Variants in RAB3IP observed in about 807,000 individuals in gnomAD.
RAB3IP encodes rab-3A-interacting protein.
RAB3IP carries 36 observed loss-of-function variants against 59.1 expected under a neutral mutation model. That is an observed-to-expected ratio of 0.61 (90% CI 0.47 to 0.80). The LOEUF (loss-of-function observed/expected upper bound fraction) is 0.80. RAB3IP is among the 30% of genes least tolerant of loss of function. The pLI, the probability that RAB3IP is intolerant of heterozygous loss-of-function variation, is 0.00. For synonymous variants in RAB3IP, 207 were observed against 191.2 expected (o/e 1.08, Z -0.68); for missense variants, 511 against 536.0 (o/e 0.95, Z 0.46).
intron 10 of RAB3IP, among the ~76,000 whole-genome samples, chr12:69,813,606 A>G (rs73333820): frequency 1.4e-3 from 207 of 152,264 alleles, no homozygotes; most frequent in African/African-American, 4.7e-3. Flanking sequence ...TTTTAATACA[A>G]TTTTATAGCT....
chr12:69,740,280 C>G (rs1009911914), intron 1 of RAB3IP, among the ~76,000 whole-genome samples: 1 of 151,924 alleles, frequency 6.6e-6, no homozygotes, highest in Non-Finnish European at 1.5e-5. Flanking sequence ...TTTTATGGGG[C>G]CTTGTTCTGT....
chr12:69,763,102 T>A (rs528857624), intron 3 of RAB3IP, among the ~76,000 whole-genome samples: 4 of 152,358 alleles, frequency 2.6e-5, no homozygotes, highest in African/African-American at 9.6e-5. Context: ...ATGCAGTCTT[T>A]TTTACATTAT....
intron 3 of RAB3IP, among the ~76,000 whole-genome samples, chr12:69,775,320 G>A (rs1296924259): frequency 7.2e-6 from 1 of 139,730 alleles, no homozygotes. Flanking sequence ...GGGCTGAGAC[G>A]ATGGTGTTTT....
chr12:69,804,191 C>T (rs912154174), intron 8 of RAB3IP, among the ~76,000 whole-genome samples: 1 of 152,200 alleles, frequency 6.6e-6, no homozygotes, highest in African/African-American at 2.4e-5. Context: ...GATCGCCATT[C>T]TAACTGGTGT....
At chr12:69,781,136 ATG>A (rs1406491023) in intron 3 of RAB3IP, among the ~76,000 whole-genome samples, 1 of 151,254 alleles carries the variant, frequency 6.6e-6, no homozygotes, top group African/African-American at 2.4e-5. Context: ...TAAAAATAAT[ATG>A]TGTTATTTTA....
chr12:69,753,205 C>T (rs949200978), intron 1 of RAB3IP, among the ~76,000 whole-genome samples: 3 of 152,162 alleles, frequency 2.0e-5, no homozygotes, highest in African/African-American at 7.2e-5. Flanking sequence ...AGTCAGATCT[C>T]TTTCAACTTT....
intron 8 of RAB3IP, among the ~76,000 whole-genome samples, chr12:69,807,009 CTCTT>C (rs762949922): frequency 9.2e-5 from 14 of 152,300 alleles, no homozygotes; most frequent in Middle Eastern, 3.4e-3. Flanking sequence ...AATCTGATCT[CTCTT>C]TCTTTTCCCC....
chr12:69,809,329 A>C (rs1880011544), intron 8 of RAB3IP, among the ~76,000 whole-genome samples: 2 of 152,278 alleles, frequency 1.3e-5, no homozygotes, highest in South Asian at 4.1e-4. Context: ...GGCTGCCCTT[A>C]ACATTTTTTC....
rs1881374920 is a variant in RAB3IP, at chr12:69,818,513, T to C, written c.*3067T>C. 1 of 151,736 alleles carries C rather than the reference T, an allele frequency of 6.6e-6. No individual in the cohort carries two copies. The highest frequency in any genetic ancestry group is 1.5e-5 in the Non-Finnish European group (1 of 67,986). 9.4% of individuals were successfully genotyped at this position (151,736 alleles called of 1,614,324 possible). A position where few individuals can be genotyped will look rare whatever the true frequency, so the allele number is the denominator to read the frequency against. On this transcript the variant is annotated 3_prime_UTR_variant, in exon 11 of 11. Transcript: ENST00000247833. The stretch of plus-strand genomic sequence containing the variant: ...CACTTTTCAGTATATACTTGAGAAA[T>C]GCTTGCACAGGTCCCCCAGATCACA...
rs888328973 is a variant in RAB3IP, at chr12:69,781,311, C to T, written c.511-3409C>T. Among the ~76,000 whole-genome samples, 6 of 151,920 alleles carry T rather than the reference C, an allele frequency of 3.9e-5. 1 individual carries two copies. Among genetic ancestry groups the T allele is most frequent in the African/African-American group, 1.5e-4 (6 of 41,336 alleles). ...TGCTGTCTCCACACACGCACAGCAT[C>T]CCCCCCGTTAGCATTCCCTACCAGA... On this transcript the variant is annotated intron_variant, in intron 3 of 10. Transcript: ENST00000247833.
At chr12:69,810,272 G>A (rs966057192) in intron 8 of RAB3IP, among the ~76,000 whole-genome samples, 1 of 152,168 alleles carries the variant, frequency 6.6e-6, no homozygotes, top group African/African-American at 2.4e-5. Flanking sequence ...TTGTCTCAGA[G>A]GAGTACCCGG....
intron 1 of RAB3IP, among the ~76,000 whole-genome samples, chr12:69,742,852 TAGAGA>T (rs1181979327): frequency 1.3e-5 from 2 of 152,204 alleles, no homozygotes; most frequent in African/African-American, 2.4e-5. Flanking sequence ...TAGTCATGGT[TAGAGA>T]AAAGTGGAAA....
At chr12:69,739,670 C>G in intron 1 of RAB3IP, 1 of 660,018 alleles carries the variant, frequency 1.5e-6, no homozygotes, top group South Asian at 1.9e-5. Context: ...GTAGGCAGCT[C>G]CGTGCCGCCA....
chr12:69,759,141 A>G (rs1298792581), intron 3 of RAB3IP, among the ~76,000 whole-genome samples: 1 of 145,154 alleles, frequency 6.9e-6, no homozygotes, highest in African/African-American at 2.5e-5. Flanking sequence ...GGCCTTCCGC[A>G]GTGTTTGTGT....
rs781510521 is a variant in RAB3IP, at chr12:69,815,349, T to C, written c.1301-15T>C. ...TATTTTATGATTTAAATATCTCTCT[T>C]TTCTGTTTGTATAGTTGATCAGATG... On this transcript the variant is annotated splice_polypyrimidine_tract_variant and intron_variant, in intron 10 of 10. Transcript: ENST00000247833. 6.4e-6 allele frequency: 10 copies of C among 1,563,628 alleles called. No homozygotes were observed. Among genetic ancestry groups the C allele is most frequent in the Non-Finnish European group, 3.5e-6 (4 of 1,135,602 alleles).
In RAB3IP at chr12:69,811,236, G is replaced by A. The variant is rs543946200; in HGVS notation, c.1131-1542G>A. Among the ~76,000 whole-genome samples, 9 of 152,254 alleles carry A rather than the reference G, an allele frequency of 5.9e-5. No homozygotes were observed. The East Asian group carries it at 1.7e-3, about 29-fold the overall frequency. The stretch of plus-strand genomic sequence containing the variant: ...AACACACACTGCCGCTTGTGGAAGG[G>A]TGGAGGATGGGAAGAGGGAGAAGAT... On this transcript the variant is annotated intron_variant, in intron 8 of 10. Coordinates refer to ENST00000247833, the MANE Select transcript of RAB3IP (RefSeq NM_022456.5).
intron 3 of RAB3IP, among the ~76,000 whole-genome samples, chr12:69,765,626 A>G (rs1048245785): frequency 3.3e-5 from 5 of 152,008 alleles, no homozygotes; most frequent in Non-Finnish European, 5.9e-5. Context: ...CTGCCTGAGC[A>G]TGGAGCAGAG....
At chr12:69,807,024 A>T (rs939252571) in intron 8 of RAB3IP, among the ~76,000 whole-genome samples, 2 of 151,720 alleles carry the variant, frequency 1.3e-5, no homozygotes, top group Non-Finnish European at 1.5e-5. Context: ...TCTTTTCCCC[A>T]CATTTCCCCC....
intron 7 of RAB3IP, 96 bp from the exon 8 acceptor site, chr12:69,801,513 T>G (rs10879014): frequency 0.77 from 473,866 of 617,388 alleles, 182,586 homozygotes; most frequent in East Asian, 0.9. Flanking sequence ...AGTGGAACTT[T>G]GGAGAAGAAT....
Sources: gnomAD v4.1 joint callset for allele counts (sites outside exome capture counted in the v4.1 genomes callset) on GRCh38, gnomAD v4.1.1 for gene constraint, MANE v1.5 for transcripts, NCBI Gene and HGNC (gene_info 2026-07-23, HGNC 2026-07-21) for gene names.